Variants in LRBA observed in about 807,000 individuals in gnomAD.
LRBA encodes lipopolysaccharide-responsive and beige-like anchor protein.
Under a neutral mutation model 330.0 loss-of-function variants are expected in LRBA, and 176 were observed. That is an observed-to-expected ratio of 0.53 (90% CI 0.47 to 0.60). LRBA has a LOEUF of 0.60. Among genes scored for constraint, LRBA ranks in the 20% least tolerant of loss-of-function variants. The pLI, the probability that LRBA is intolerant of heterozygous loss-of-function variation, is 0.00. For missense variants in LRBA, 3,259 were observed against 3,444.8 expected (o/e 0.95, Z 1.35); for synonymous variants, 1,230 against 1,193.0 (o/e 1.03, Z -0.64).
Position 150,583,851 on chromosome 4 carries a change from G to A in LRBA, c.6330+4197C>T. ...GCCAGCCGCTCAACAACTACCACAT[G>A]AAGACGCTGCTGCTGTACGAGTGCG... is the stretch of plus-strand genomic sequence containing the variant. On this transcript the variant is annotated intron_variant, in intron 40 of 56. Coordinates refer to ENST00000651943, the MANE Select transcript of LRBA (RefSeq NM_001364905.1). The surrounding 1 kb of genome is among the most constrained non-coding windows in gnomAD (Gnocchi z 9.8). 1 of 1,614,202 alleles carries A rather than the reference G, an allele frequency of 6.2e-7. No individual in the cohort carries two copies. The highest frequency in any genetic ancestry group is 1.1e-5 in the South Asian group (1 of 91,066).
intron 36 of LRBA, among the ~76,000 whole-genome samples, chr4:150,691,275 C>T (rs554686611): frequency 1.3e-5 from 2 of 151,820 alleles, no homozygotes; most frequent in Non-Finnish European, 2.9e-5. Context: ...AAAAGGTAAG[C>T]CACAAATTGT....
intron 40 of LRBA, among the ~76,000 whole-genome samples, chr4:150,508,839 G>A (rs999597987): frequency 6.6e-6 from 1 of 152,134 alleles, no homozygotes; most frequent in African/African-American, 2.4e-5. Context: ...ATACAAAGGA[G>A]TTGAACAAGA....
chr4:150,853,138 A>G (rs895294960), intron 22 of LRBA, among the ~76,000 whole-genome samples, 195 bp from the exon 23 acceptor site: 1 of 152,204 alleles, frequency 6.6e-6, no homozygotes, highest in East Asian at 1.9e-4. Context: ...ACTACAGCCA[A>G]TTTTAATGTT....
rs530733789 is a variant in LRBA at position 150,785,155 on chromosome 4, T to C, written c.5580+12926A>G. Among the ~76,000 whole-genome samples, 14 of 152,186 alleles carry C rather than the reference T, an allele frequency of 9.2e-5. No individual in the cohort carries two copies. In the East Asian group the frequency reaches 2.3e-3, roughly 25 times the overall value. ...GAGGCCAGTTAGTCAGGAGTGCTGATTGTTTGGATTGGGGATGAAATCATA... is the reference window on the plus strand; with the variant it reads ...GAGGCCAGTTAGTCAGGAGTGCTGACTGTTTGGATTGGGGATGAAATCATA... On this transcript the variant is annotated intron_variant, in intron 34 of 56. Coordinates refer to ENST00000651943, the MANE Select transcript of LRBA (RefSeq NM_001364905.1).
intron 30 of LRBA, among the ~76,000 whole-genome samples, chr4:150,822,664 C>T (rs1300675396): frequency 6.6e-6 from 1 of 152,030 alleles, no homozygotes; most frequent in African/African-American, 2.4e-5. Flanking sequence ...TGAGGAAGAA[C>T]GATCCCTTGA....
At chr4:150,441,379 G>A (rs1751822662) in intron 44 of LRBA, among the ~76,000 whole-genome samples, 1 of 151,784 alleles carries the variant, frequency 6.6e-6, no homozygotes, top group African/African-American at 2.4e-5. Context: ...AAAAATCCAG[G>A]GGCCTCCAAA....
At chr4:150,854,621 A>T (rs1197679106) in intron 22 of LRBA, among the ~76,000 whole-genome samples, 2 of 152,202 alleles carry the variant, frequency 1.3e-5, no homozygotes, top group African/African-American at 4.8e-5. Context: ...AACTGTTCTG[A>T]AAGTCTAGGC....
At chr4:150,310,151 C>A in intron 52 of LRBA, 78 bp downstream of exon 52, 1 of 930,710 alleles carries the variant, frequency 1.1e-6, no homozygotes, top group Non-Finnish European at 1.6e-6. Context: ...TGGAAGGAAG[C>A]AGATAAGAAT....
At chr4:150,816,881 A>G (rs900112903) in intron 31 of LRBA, among the ~76,000 whole-genome samples, 1 of 151,986 alleles carries the variant, frequency 6.6e-6, no homozygotes, top group African/African-American at 2.4e-5. Context: ...GCACTCATCT[A>G]CCCAACTAGC....
Position 150,798,474 on chromosome 4 carries a change from G to A in LRBA, c.5519-332C>T, listed in dbSNP as rs947925610. Among the ~76,000 whole-genome samples, 6 of 152,090 alleles carry A rather than the reference G, an allele frequency of 3.9e-5. 1 individual carries two copies. The highest frequency in any genetic ancestry group is 7.4e-5 in the Non-Finnish European group (5 of 68,018). On this transcript the variant is annotated intron_variant, in intron 33 of 56. Transcript: ENST00000651943. ...CATTTTGTTTTGGAGAGAGTTGATCGTTATACATGCAGAGAAGGGAAATGG... is the reference window on the plus strand; with the variant it reads ...CATTTTGTTTTGGAGAGAGTTGATCATTATACATGCAGAGAAGGGAAATGG...
chr4:150,697,444 C>A (rs560704809), intron 36 of LRBA, among the ~76,000 whole-genome samples: 1 of 145,826 alleles, frequency 6.9e-6, no homozygotes, highest in East Asian at 2.0e-4. Flanking sequence ...TAAAAGAGGT[C>A]AAAAACTAAG....
chr4:150,697,340 A>G (rs1387096570), intron 36 of LRBA, among the ~76,000 whole-genome samples: 1 of 148,734 alleles, frequency 6.7e-6, no homozygotes, highest in African/African-American at 2.5e-5. Context: ...AAAAAAAAAA[A>G]AAAAAAAAAA....
At chr4:150,329,137 C>G (rs1733674436) in intron 48 of LRBA, among the ~76,000 whole-genome samples, 1 of 152,178 alleles carries the variant, frequency 6.6e-6, no homozygotes, top group Non-Finnish European at 1.5e-5. Flanking sequence ...GCTATAGTCT[C>G]TCACACAGGT....
intron 37 of LRBA, among the ~76,000 whole-genome samples, chr4:150,619,283 G>A (rs1014966070): frequency 1.3e-5 from 2 of 152,074 alleles, no homozygotes; most frequent in Non-Finnish European, 2.9e-5. Context: ...AAAGGCTTGA[G>A]TTTTTAAAAA....
intron 30 of LRBA, among the ~76,000 whole-genome samples, chr4:150,822,195 T>A (rs190887101): frequency 6.6e-6 from 1 of 152,256 alleles, no homozygotes; most frequent in Non-Finnish European, 1.5e-5. Flanking sequence ...AATGCTACCA[T>A]CAAAATTATC....
rs935439448 is a variant in LRBA at position 150,955,840 on chromosome 4, C to T, written c.217-26775G>A. Among the ~76,000 whole-genome samples, 13 of 147,686 alleles carry T rather than the reference C, an allele frequency of 8.8e-5. 3 individuals carry two copies. Among genetic ancestry groups the T allele is most frequent in the African/African-American group, 3.2e-4 (12 of 37,552 alleles). On this transcript the variant is annotated intron_variant, in intron 2 of 56. Transcript: ENST00000651943. ...CCGGGAGGCAGAGGTTGTGGTGAGC[C>T]GAGATTGTGCCACTGCACTCCAGCC... is the stretch of plus-strand genomic sequence containing the variant.
intron 46 of LRBA, among the ~76,000 whole-genome samples, chr4:150,421,183 A>G (rs1748733510): frequency 7.5e-6 from 1 of 134,094 alleles, no homozygotes; most frequent in Non-Finnish European, 1.5e-5. Context: ...TACATAGATA[A>G]TATATAAAAC....
chr4:150,739,473 A>T (rs1387591315), intron 35 of LRBA, among the ~76,000 whole-genome samples: 1 of 152,202 alleles, frequency 6.6e-6, no homozygotes, highest in Non-Finnish European at 1.5e-5. Context: ...CAGGATACAG[A>T]TCACTCTGCA....
chr4:150,333,727 A>G (rs1178316590), intron 48 of LRBA, among the ~76,000 whole-genome samples: 3 of 152,158 alleles, frequency 2.0e-5, no homozygotes, highest in Non-Finnish European at 4.4e-5. Context: ...GACTAGCCTC[A>G]GTGTCCTTTG....
Sources: gnomAD v4.1 joint callset for allele counts (sites outside exome capture counted in the v4.1 genomes callset) on GRCh38, gnomAD v4.1.1 for gene constraint, Gnocchi (gnomAD v3.1) non-coding constraint, MANE v1.5 for transcripts, NCBI Gene and HGNC (gene_info 2026-07-23, HGNC 2026-07-21) for gene names.